The following RANBP2 variants were observed in gnomAD, a reference collection of about 807,000 sequenced individuals.
The protein encoded by RANBP2 is E3 SUMO-protein ligase RanBP2.
In RANBP2, 57 loss-of-function variants were observed where a neutral mutation model predicts 303.6. The observed-to-expected ratio is 0.19, with a 90% CI of 0.15 to 0.23. The LOEUF is 0.23. RANBP2 is among the 10% of genes least tolerant of loss of function. The probability of loss-of-function intolerance (pLI) is 1.00; values close to 1 mark genes in which losing one functional copy is unlikely to be tolerated. For synonymous variants in RANBP2, 1,167 were observed against 1,301.5 expected (o/e 0.90, Z 2.23); for missense variants, 3,138 against 3,780.8 (o/e 0.83, Z 4.46).
chr2:109,469,644 T>G, the RANBP2 span, among the ~76,000 whole-genome samples: 1 of 152,182 alleles, frequency 6.6e-6, no homozygotes, highest in Non-Finnish European at 1.5e-5. Flanking sequence ...GCACTGGTCT[T>G]GTGTACTTCT....
At chr2:109,010,589 G>A in the RANBP2 span, among the ~76,000 whole-genome samples, 3 of 152,154 alleles carry the variant, frequency 2.0e-5, no homozygotes, top group East Asian at 5.8e-4. Context: ...GTGTCTTCAC[G>A]TGGTGGCGAG....
the RANBP2 span, among the ~76,000 whole-genome samples, chr2:109,442,357 A>G: frequency 5.0e-4 from 76 of 152,176 alleles, no homozygotes; most frequent in Non-Finnish European, 8.8e-4. Context: ...AAAGGTAAAA[A>G]TGAAATTATT....
the RANBP2 span, among the ~76,000 whole-genome samples, chr2:109,306,971 C>T: frequency 3.9e-5 from 6 of 152,142 alleles, no homozygotes; most frequent in Non-Finnish European, 7.3e-5. Flanking sequence ...AATTGCTTGC[C>T]GCTTGGCATG....
chr2:109,158,561 A>C, the RANBP2 span, among the ~76,000 whole-genome samples: 34 of 152,142 alleles, frequency 2.2e-4, no homozygotes, highest in Non-Finnish European at 5.9e-5. Context: ...GGGCTGTCTG[A>C]CTTGCAGACA....
chr2:108,779,054 A>G (rs1368167729), intron 25 of RANBP2, among the ~76,000 whole-genome samples: 1 of 151,946 alleles, frequency 6.6e-6, no homozygotes, highest in Non-Finnish European at 1.5e-5. Flanking sequence ...TTGAGCCCCC[A>G]AGTTGGTATC....
At chr2:109,702,780 G>A in the RANBP2 span, among the ~76,000 whole-genome samples, 8 of 148,944 alleles carry the variant, frequency 5.4e-5, no homozygotes, top group African/African-American at 1.5e-4. Context: ...TCTCACAGCC[G>A]CATTCTTTGG....
chr2:109,579,498 C>T, the RANBP2 span, among the ~76,000 whole-genome samples: 3 of 151,994 alleles, frequency 2.0e-5, no homozygotes, highest in South Asian at 6.2e-4. Context: ...GTTCTCCTGC[C>T]TCAGCCTCCT....
chr2:109,194,614 A>G, the RANBP2 span, among the ~76,000 whole-genome samples: 61 of 152,290 alleles, frequency 4.0e-4, 3 homozygotes, highest in Admixed American at 3.9e-3. Flanking sequence ...ATATGCACAC[A>G]CAGGCACTTT....
the RANBP2 span, among the ~76,000 whole-genome samples, chr2:109,707,688 G>A: frequency 7.9e-5 from 12 of 152,184 alleles, no homozygotes; most frequent in Admixed American, 1.3e-4. Flanking sequence ...ACGGGTCAGC[G>A]CCCATGCCGG....
Position 108,764,753 on chromosome 2 carries a change from A to G in RANBP2, c.4214A>G (p.Gln1405Arg). 3 of 1,614,112 alleles carry G rather than the reference A, an allele frequency of 1.9e-6. No homozygotes were observed. Among genetic ancestry groups the G allele is most frequent in the Non-Finnish European group, 2.5e-6 (3 of 1,180,000 alleles). ...CCTAAAACCAGCCCAGAGAATGTTC[A>G]AGATCGATTTGCATTGGTGACTCCA... ...FTPKTSPENVQDRFALVTPKK... is the reference protein window; with the variant it reads ...FTPKTSPENVRDRFALVTPKK... Residue 1405 changes from glutamine to arginine, a missense_variant, in exon 20 of 29, where the codon CAA (glutamine) becomes CGA (arginine). Around this residue, in one of 20 missense-constraint regions of RANBP2, gnomAD observed 388 missense variants for 328.5 expected, o/e 1.18. Coordinates refer to ENST00000283195, the MANE Select transcript of RANBP2 (RefSeq NM_006267.5).
the RANBP2 span, among the ~76,000 whole-genome samples, chr2:109,277,026 A>G: frequency 2.0e-5 from 3 of 152,092 alleles, no homozygotes; most frequent in African/African-American, 7.2e-5. Context: ...TCCCTCGAGC[A>G]CCTGTCAAAT....
At chr2:109,284,921 TGACAGAG>T in the RANBP2 span, among the ~76,000 whole-genome samples, 4 of 152,366 alleles carry the variant, frequency 2.6e-5, no homozygotes, top group Non-Finnish European at 4.4e-5. Context: ...GCTTCCCTGA[TGACAGAG>T]TTTGGGAAAC....
At chr2:108,947,459 G>A in the RANBP2 span, among the ~76,000 whole-genome samples, 1 of 152,194 alleles carries the variant, frequency 6.6e-6, no homozygotes, top group Non-Finnish European at 1.5e-5. Context: ...CAACTGCATT[G>A]CCTTGGTAGA....
chr2:108,839,308 G>A, the RANBP2 span: 1 of 1,603,092 alleles, frequency 6.2e-7, no homozygotes, highest in Non-Finnish European at 8.5e-7. Flanking sequence ...ACAGGTAATT[G>A]GTTAATAGGA....
chr2:108,967,354 T>G, the RANBP2 span, among the ~76,000 whole-genome samples: 5 of 152,164 alleles, frequency 3.3e-5, no homozygotes, highest in African/African-American at 9.7e-5. Flanking sequence ...ACTTCAATAG[T>G]TCATGTTCTC....
At chr2:109,636,184 C>T in the RANBP2 span, among the ~76,000 whole-genome samples, 3 of 152,186 alleles carry the variant, frequency 2.0e-5, no homozygotes, top group South Asian at 4.1e-4. Context: ...AAATAAATGT[C>T]CGTTGTCTAT....
At chr2:109,224,717 C>T in the RANBP2 span, among the ~76,000 whole-genome samples, 444 of 152,306 alleles carry the variant, frequency 2.9e-3, 2 homozygotes, top group African/African-American at 0.01. Context: ...ATTAGCCCAG[C>T]ATGGTGGTGG....
At chr2:108,926,747 C>T in the RANBP2 span, among the ~76,000 whole-genome samples, 12 of 152,342 alleles carry the variant, frequency 7.9e-5, 1 homozygote, top group East Asian at 9.6e-4. Flanking sequence ...GTGGGGAGGG[C>T]GGAGCATCAG....
At chr2:109,083,593 T>C in the RANBP2 span, among the ~76,000 whole-genome samples, 4,781 of 152,276 alleles carry the variant, frequency 0.031, 275 homozygotes, top group African/African-American at 0.11. Context: ...TTTGCTGTTG[T>C]GAATAACGTT....
Sources: allele counts gnomAD v4.1 joint callset (sites outside exome capture counted in the v4.1 genomes callset), GRCh38; gene constraint gnomAD v4.1.1; regional missense constraint gnomAD v4.1.1; transcripts MANE v1.5; gene names NCBI Gene and HGNC (gene_info 2026-07-23, HGNC 2026-07-21).